The following PCDHA4 variants were observed in gnomAD, a reference collection of about 807,000 sequenced individuals.
PCDHA4 encodes the protein protocadherin alpha 4.
PCDHA4 carries 49 observed loss-of-function variants against 61.4 expected under a neutral mutation model. The ratio of observed to expected loss-of-function variants is 0.80; its 90% confidence interval spans 0.63 to 1.01. The LOEUF is 1.01. Ranked by LOEUF, PCDHA4 falls within the 50% of genes least tolerant of loss-of-function variation. The pLI is 0.00. For missense variants in PCDHA4, 1,254 were observed against 1,235.8 expected (o/e 1.01, Z -0.22); for synonymous variants, 590 against 550.3 (o/e 1.07, Z -1.01).
chr5:140,977,640 G>A (rs2096769670), intron 1 of PCDHA4, among the ~76,000 whole-genome samples: 1 of 152,124 alleles, frequency 6.6e-6, no homozygotes, highest in South Asian at 2.1e-4. Flanking sequence ...CTTTTTCTGG[G>A]CCTTGACTTT....
At position 140,808,911 on chromosome 5, in the gene PCDHA4, G is replaced by A. The variant is rs1554124881; in HGVS notation, c.1724G>A (p.Gly575Asp). ...GCGCCTCGGGCGGGTGGCACTGGTGGCGCAGTGAGCGAGCTGGTGCCATGG... is the reference window on the plus strand; with the variant it reads ...GCGCCTCGGGCGGGTGGCACTGGTGACGCAGTGAGCGAGCTGGTGCCATGG... ...LLAPRAGGTG[G>D]AVSELVPWSV... The change falls in exon 1 of 4, where the codon GGC becomes GAC. Residue 575 changes from glycine to aspartate, a missense_variant. Physicochemically the swap from Gly to Asp is moderately conservative, Grantham distance 94. Transcript: ENST00000530339. The A allele has an allele frequency of 1.3e-5, 21 of 1,613,574 alleles. No homozygotes were observed. The highest frequency in any genetic ancestry group is 6.6e-5 in the South Asian group (6 of 91,056).
intron 1 of PCDHA4, among the ~76,000 whole-genome samples, chr5:140,920,771 G>A (rs1256445366): frequency 6.6e-6 from 1 of 151,698 alleles, no homozygotes; most frequent in African/African-American, 2.4e-5. Context: ...TTACACCTGG[G>A]AGGTGGAGGT....
At position 140,851,093 on chromosome 5, in the gene PCDHA4, T is replaced by C. The variant is rs1043292821; in HGVS notation, c.2385+41521T>C. On this transcript the variant is annotated intron_variant, in intron 1 of 3. Coordinates refer to ENST00000530339, the MANE Select transcript of PCDHA4 (RefSeq NM_018907.4). Reference sequence around the variant, plus strand: ...AATTATAAACTGTATATTAAATAGATATTTTTTGGGTGCTGAATCAATTTT... The same window carrying C: ...AATTATAAACTGTATATTAAATAGACATTTTTTGGGTGCTGAATCAATTTT... 2 of 1,294,092 alleles carry C rather than the reference T, an allele frequency of 1.5e-6. 1 individual carries two copies. The highest frequency in any genetic ancestry group is 2.0e-6 in the Non-Finnish European group (2 of 996,006). The allele number at this position is 1,294,092 out of a possible 1,614,324, so 80.2% of individuals were successfully genotyped here.
chr5:140,941,255 C>CTTTCTTTTTCTT (rs782490896), intron 1 of PCDHA4, among the ~76,000 whole-genome samples: 1 of 44,508 alleles, frequency 2.2e-5, no homozygotes, highest in Non-Finnish European at 5.1e-5. Context: ...TTCTTTCTTT[C>CTTTCTTTTTCTT]TCTTTCTTTC....
intron 1 of PCDHA4, among the ~76,000 whole-genome samples, chr5:140,932,575 G>A (rs1554208974): frequency 6.6e-6 from 1 of 151,674 alleles, no homozygotes; most frequent in South Asian, 2.1e-4. Context: ...TTTCCCATAG[G>A]GTAATTAGAT....
At chr5:140,973,089 T>G (rs534319830) in intron 1 of PCDHA4, among the ~76,000 whole-genome samples, 2 of 152,308 alleles carry the variant, frequency 1.3e-5, no homozygotes, top group East Asian at 3.9e-4. Flanking sequence ...TGGCACAACA[T>G]GTAGAAATTA....
chr5:140,928,480 G>A, intron 1 of PCDHA4: 2 of 1,614,146 alleles, frequency 1.2e-6, no homozygotes, highest in Non-Finnish European at 1.7e-6. Flanking sequence ...AGGCCGGGAT[G>A]GTGGCATTCC....
chr5:140,835,509 G>A, intron 1 of PCDHA4: 1 of 1,613,944 alleles, frequency 6.2e-7, no homozygotes, highest in Non-Finnish European at 8.5e-7. Context: ...TAGCGTGTTT[G>A]ACCGAGATTT....
At chr5:140,830,327 GGGAGCT>G (rs1183196628) in intron 1 of PCDHA4, 2 of 1,613,914 alleles carry the variant, frequency 1.2e-6, no homozygotes, top group Non-Finnish European at 1.7e-6. Flanking sequence ...CAGCGCAGTG[GGGAGCT>G]GGTCGTACTC....
intron 3 of PCDHA4, among the ~76,000 whole-genome samples, chr5:141,008,970 G>A (rs147776833): frequency 6.6e-6 from 1 of 152,236 alleles, no homozygotes; most frequent in East Asian, 1.9e-4. Flanking sequence ...TACATTTATA[G>A]CCAAAGTTTA....
At position 140,927,570 on chromosome 5, in the gene PCDHA4, A is replaced by G. The variant is rs568227710; in HGVS notation, c.2386-51379A>G. 5.0e-5 allele frequency: 80 copies of G among 1,614,066 alleles called. 1 individual carries two copies. Among genetic ancestry groups the G allele is most frequent in the Middle Eastern group, 4.9e-4 (3 of 6,084 alleles). On this transcript the variant is annotated intron_variant, in intron 1 of 3. Transcript: ENST00000530339. ...AAGTCACCATCATTGTGGTGGACAC[A>G]AATGACAACGCGCCTGTATTTGAGC...
chr5:140,963,312 TG>T (rs2153735087), intron 1 of PCDHA4, among the ~76,000 whole-genome samples: 1 of 152,332 alleles, frequency 6.6e-6, no homozygotes, highest in African/African-American at 2.4e-5. Flanking sequence ...AGAAGCTGTT[TG>T]TATTAGAATT....
At chr5:140,829,649 C>T (rs1554132155) in intron 1 of PCDHA4, 7 of 1,612,288 alleles carry the variant, frequency 4.3e-6, no homozygotes, top group African/African-American at 1.3e-5. Context: ...GGTGTACGCG[C>T]TGCAGCCGCT....
rs782614839 is a variant in PCDHA4 at position 140,809,036 on chromosome 5, G to A, written c.1849G>A (p.Gly617Ser). ...LSYELQPGTG[G>S]ARIPFRVGLY... ...GTACGAGCTGCAGCCGGGGACTGGT[G>A]GCGCGCGCATCCCGTTCCGCGTGGG... The change falls in exon 1 of 4, where the codon GGC becomes AGC. Residue 617 changes from glycine (G) to serine (S), a missense_variant. By Grantham distance (56) the Gly-to-Ser change is moderately conservative (BLOSUM62 0). Coordinates refer to ENST00000530339, the MANE Select transcript of PCDHA4 (RefSeq NM_018907.4). The A allele has an allele frequency of 3.1e-6, 5 of 1,613,850 alleles. No individual in the cohort carries two copies. The Admixed American group carries it at 8.3e-5, about 27-fold the overall frequency.
At chr5:140,872,232 G>A (rs2053558420) in intron 1 of PCDHA4, among the ~76,000 whole-genome samples, 1 of 149,716 alleles carries the variant, frequency 6.7e-6, no homozygotes, top group South Asian at 2.1e-4. Flanking sequence ...CTTTACTTTT[G>A]TCTTTATTCC....
At chr5:140,820,539 T>C (rs2150107248) in intron 1 of PCDHA4, among the ~76,000 whole-genome samples, 105 of 152,156 alleles carry the variant, frequency 6.9e-4, no homozygotes, top group African/African-American at 2.4e-3. Flanking sequence ...ATTTCTTCAA[T>C]AGAAAACTTG....
chr5:140,868,942 C>G (rs1238492263), intron 1 of PCDHA4: 1 of 1,256,058 alleles, frequency 8.0e-7, no homozygotes, highest in Admixed American at 2.8e-5. Context: ...TTGGTCTGAA[C>G]AGTGAGGCAC....
intron 1 of PCDHA4, among the ~76,000 whole-genome samples, chr5:140,963,902 A>G (rs1227304928): frequency 6.6e-6 from 1 of 152,218 alleles, no homozygotes; most frequent in Non-Finnish European, 1.5e-5. Flanking sequence ...AAATGAGTAA[A>G]GTGAAGCTTA....
In PCDHA4 at chr5:140,884,535, C is replaced by A. The variant is rs142468733; in HGVS notation, c.2385+74963C>A. 15 of 1,614,034 alleles carry A rather than the reference C, an allele frequency of 9.3e-6. No individual in the cohort carries two copies. The South Asian group carries it at 1.5e-4, about 17-fold the overall frequency. ...TGGTCGTACTCGCAGCAGAGGCGGCCGAGGGTGTGCTCTGGGGAGGGCCCG... is the reference window on the plus strand; with the variant it reads ...TGGTCGTACTCGCAGCAGAGGCGGCAGAGGGTGTGCTCTGGGGAGGGCCCG... On this transcript the variant is annotated intron_variant, in intron 1 of 3. Transcript: ENST00000530339.
Sources: allele counts gnomAD v4.1 joint callset (sites outside exome capture counted in the v4.1 genomes callset), GRCh38; gene constraint gnomAD v4.1.1; transcripts MANE v1.5; gene names NCBI Gene and HGNC (gene_info 2026-07-23, HGNC 2026-07-21).